ADAM28: variants seen among roughly 807,000 people sequenced by gnomAD.
The protein encoded by ADAM28 is ADAM metallopeptidase domain 28.
A neutral mutation model predicts 101.2 loss-of-function variants in ADAM28; 105 were observed. The ratio of observed to expected loss-of-function variants is 1.04; its 90% CI spans 0.89 to 1.22. The LOEUF is 1.22. Ranked by LOEUF, ADAM28 falls within the 50% of genes most tolerant of loss-of-function variation. The pLI is 0.00. For synonymous variants in ADAM28, 322 were observed against 310.6 expected (o/e 1.04, Z -0.39); for missense variants, 1,028 against 945.4 (o/e 1.09, Z -1.15).
At chr8:24,330,370 A>G (rs1401195698) in intron 11 of ADAM28, among the ~76,000 whole-genome samples, 2 of 152,114 alleles carry the variant, frequency 1.3e-5, no homozygotes, top group Non-Finnish European at 2.9e-5. Flanking sequence ...GCTTCAGAAA[A>G]ATCGTTAGCA....
chr8:24,349,762 A>G, intron 18 of ADAM28, 102 bp from the exon 19 acceptor site: 1 of 806,526 alleles, frequency 1.2e-6, no homozygotes, highest in Admixed American at 2.2e-5. Context: ...TCATTGGAGA[A>G]AAGGGTAGCT....
At chr8:24,328,124 T>TA in intron 10 of ADAM28, among the ~76,000 whole-genome samples, 1 of 152,184 alleles carries the variant, frequency 6.6e-6, no homozygotes, top group South Asian at 2.1e-4. Flanking sequence ...TACTTCTCTA[T>TA]AAAAATCCTA....
At chr8:24,342,914 C>A in intron 16 of ADAM28, 187 bp from the exon 17 acceptor site, 6 of 1,007,684 alleles carry the variant, frequency 6.0e-6, no homozygotes, top group African/African-American at 1.6e-5. Context: ...ACTTTATCAA[C>A]CTTTTTGGGT....
chr8:24,307,353 G>C (rs1460381496), intron 2 of ADAM28, among the ~76,000 whole-genome samples: 7 of 152,124 alleles, frequency 4.6e-5, no homozygotes, highest in African/African-American at 1.7e-4. Flanking sequence ...CCAGAGAACT[G>C]AGGCACTGGC....
chr8:24,338,691 C>CTGTT (rs1773419145), intron 14 of ADAM28, among the ~76,000 whole-genome samples: 1 of 152,168 alleles, frequency 6.6e-6, no homozygotes, highest in African/African-American at 2.4e-5. Context: ...ACTTAGCTTG[C>CTGTT]TGTTTGTCAA....
At chr8:24,318,465 A>T (rs547429027) in intron 6 of ADAM28, among the ~76,000 whole-genome samples, 1 of 151,976 alleles carries the variant, frequency 6.6e-6, no homozygotes, top group South Asian at 2.1e-4. Flanking sequence ...TTTAAATAGG[A>T]ACTGTGCACT....
At chr8:24,310,281 C>A (rs1434041298) in intron 4 of ADAM28, 40 bp downstream of exon 4, 2 of 1,574,234 alleles carry the variant, frequency 1.3e-6, no homozygotes, top group Non-Finnish European at 1.7e-6. Flanking sequence ...TAGGGTTTTA[C>A]CCACAGACCT....
At position 24,358,103 on chromosome 8, in the gene ADAM28, A is replaced by G. The variant is rs1443730015; in HGVS notation, c.*3699A>G. On this transcript the variant is annotated 3_prime_UTR_variant, in exon 23 of 23. Coordinates refer to ENST00000265769, the MANE Select transcript of ADAM28 (RefSeq NM_014265.6). ...AACCAATTAACTGTTTTTAACTTATATTTCCAGATATTTTAAAAATTAAAG... is the reference window on the plus strand; with the variant it reads ...AACCAATTAACTGTTTTTAACTTATGTTTCCAGATATTTTAAAAATTAAAG... 4 of 9,784 alleles carry G rather than the reference A, an allele frequency of 4.1e-4. No homozygotes were observed. Among genetic ancestry groups the G allele is most frequent in the Non-Finnish European group, 1.3e-3 (4 of 3,000 alleles). 0.6% of individuals were successfully genotyped at this position (9,784 alleles called of 1,614,324 possible).
chr8:24,311,288 A>G, intron 4 of ADAM28, 73 bp from the exon 5 acceptor site: 27 of 1,173,442 alleles, frequency 2.3e-5, no homozygotes, highest in Non-Finnish European at 3.2e-5. Context: ...CTGTTTCAAG[A>G]TTTCAGATGC....
chr8:24,330,699 A>T (rs938387915), intron 11 of ADAM28, among the ~76,000 whole-genome samples: 19 of 152,196 alleles, frequency 1.2e-4, no homozygotes, highest in Non-Finnish European at 1.6e-4. Flanking sequence ...ACAAAACAGC[A>T]TATGGCTGCA....
intron 14 of ADAM28, among the ~76,000 whole-genome samples, chr8:24,336,995 C>A (rs1563313780): frequency 6.6e-6 from 1 of 152,124 alleles, no homozygotes; most frequent in East Asian, 1.9e-4. Flanking sequence ...TTCCTGAAAA[C>A]AGAGCTAAAA....
intron 9 of ADAM28, among the ~76,000 whole-genome samples, chr8:24,325,866 G>A (rs1196980402): frequency 0.013 from 66 of 5,274 alleles, 1 homozygote; most frequent in Middle Eastern, 0.056. Context: ...ATCTTGTACA[G>A]ATAGCAAAAA....
At chr8:24,311,540 G>A in intron 5 of ADAM28, 103 bp downstream of exon 5, 1 of 841,310 alleles carries the variant, frequency 1.2e-6, no homozygotes, top group African/African-American at 1.8e-5. Flanking sequence ...TTATATAGTT[G>A]AATATAAATC....
chr8:24,310,441 G>GGTAA lies in ADAM28; in HGVS notation c.306+203_306+206dup. 5 of 491,578 alleles carry GGTAA rather than the reference G, an allele frequency of 1.0e-5. No individual in the cohort carries two copies. In the South Asian group the frequency reaches 1.3e-4, roughly 13 times the overall value. The allele number at this position is 491,578 out of a possible 1,614,324, so 30.5% of individuals were successfully genotyped here. On this transcript the variant is annotated intron_variant, in intron 4 of 22. Coordinates refer to ENST00000265769, the MANE Select transcript of ADAM28 (RefSeq NM_014265.6). ...AACAAAACAATTTCTTGGCAACTCC[G>GGTAA]GTAAGTTTTTCCAGCCTTTAAGGAC...
At chr8:24,334,151 A>G (rs1813712271) in intron 13 of ADAM28, among the ~76,000 whole-genome samples, 1 of 152,198 alleles carries the variant, frequency 6.6e-6, no homozygotes, top group East Asian at 1.9e-4. Context: ...GTTTCTTACT[A>G]TTTAGAGCAA....
intron 15 of ADAM28, chr8:24,340,901 C>A (rs1814686129): frequency 6.6e-6 from 1 of 152,062 alleles, no homozygotes; most frequent in Non-Finnish European, 1.5e-5. Context: ...TCTTTTAGTC[C>A]TGTTGGCAGT....
intron 2 of ADAM28, 51 bp downstream of exon 2, chr8:24,300,128 CACAT>C: frequency 7.4e-7 from 1 of 1,344,476 alleles, no homozygotes; most frequent in Non-Finnish European, 1.1e-6. Flanking sequence ...CATATATACA[CACAT>C]ATATATATCT....
At chr8:24,329,886 T>TTTGTGTGTGTGTGTGTGA (rs1813130183) in intron 10 of ADAM28, 99 bp from the exon 11 acceptor site, 7 of 564,506 alleles carry the variant, frequency 1.2e-5, no homozygotes, top group African/African-American at 1.2e-4. Context: ...TGTGTGTGTG[T>TTTGTGTGTGTGTGTGTGA]GAGAGAGAGA....
rs1816752680 is a variant in ADAM28, at chr8:24,357,407, T to G, written c.*3003T>G. 1.3e-5 allele frequency: 2 copies of G among 152,182 alleles called. No individual in the cohort carries two copies. The highest frequency in any genetic ancestry group is 1.3e-4 in the Admixed American group (2 of 15,276). The allele number at this position is 152,182 out of a possible 1,614,324, so 9.4% of individuals were successfully genotyped here. A position where few individuals can be genotyped will look rare whatever the true frequency, so the allele number is the denominator to read the frequency against. ...AATTTATAAAGAAAGGAGGATTAAT[T>G]GACTCAGATTTCCACATGGCCTAGG... On this transcript the variant is annotated 3_prime_UTR_variant, in exon 23 of 23. Coordinates refer to ENST00000265769, the MANE Select transcript of ADAM28 (RefSeq NM_014265.6).
Sources: allele counts gnomAD v4.1 joint callset (sites outside exome capture counted in the v4.1 genomes callset), GRCh38; gene constraint gnomAD v4.1.1; transcripts MANE v1.5; gene names NCBI Gene and HGNC (gene_info 2026-07-23, HGNC 2026-07-21).